CDH13: variants seen among roughly 807,000 people sequenced by gnomAD.
The protein encoded by CDH13 is cadherin 13.
CDH13 carries 24 observed loss-of-function variants against 63.8 expected under a neutral mutation model. That is an observed-to-expected ratio of 0.38 (90% CI 0.27 to 0.53). The LOEUF is 0.53. Among genes scored for constraint, CDH13 ranks in the 20% least tolerant of loss-of-function variants. CDH13 has a pLI of 0.85. For synonymous variants in CDH13, 503 were observed against 355.3 expected (o/e 1.42, Z -4.67); for missense variants, 1,049 against 903.1 (o/e 1.16, Z -2.07).
intron 11 of CDH13, among the ~76,000 whole-genome samples, chr16:83,752,979 A>G (rs1306890997): frequency 6.6e-6 from 1 of 152,228 alleles, no homozygotes; most frequent in Non-Finnish European, 1.5e-5. Flanking sequence ...AGACACGGAA[A>G]TTTAAAATCT....
At chr16:83,028,375 C>G (rs919651875) in intron 2 of CDH13, among the ~76,000 whole-genome samples, 6 of 152,168 alleles carry the variant, frequency 3.9e-5, no homozygotes, top group Admixed American at 3.3e-4. Flanking sequence ...CTTGTGTGTC[C>G]ATGCAAAGAT....
chr16:83,752,122 A>G (rs796438563), intron 11 of CDH13, among the ~76,000 whole-genome samples: 33 of 152,366 alleles, frequency 2.2e-4, no homozygotes, highest in African/African-American at 7.7e-4. Flanking sequence ...TAACAATGGC[A>G]GGGTTCTGTA....
intron 1 of CDH13, among the ~76,000 whole-genome samples, chr16:82,789,871 C>T (rs1412307959): frequency 6.6e-6 from 1 of 152,122 alleles, no homozygotes; most frequent in African/African-American, 2.4e-5. Context: ...CCTCACTGGA[C>T]AGGCATTGTG....
At chr16:83,058,813 G>A (rs547263181) in intron 3 of CDH13, among the ~76,000 whole-genome samples, 4 of 152,162 alleles carry the variant, frequency 2.6e-5, no homozygotes, top group South Asian at 2.1e-4. Flanking sequence ...GCTGACACAC[G>A]CTGACCTCAC....
rs528356908 is a variant in CDH13 at position 83,101,892 on chromosome 16, C to G, written c.367-23493C>G. Reference sequence around the variant, plus strand: ...AAAGTGAAAGAACTGCTGTGGAAGACAGAACCAAGGCCCCAGGATTGTTCA... The same window carrying G: ...AAAGTGAAAGAACTGCTGTGGAAGAGAGAACCAAGGCCCCAGGATTGTTCA... On this transcript the variant is annotated intron_variant, in intron 3 of 13. Transcript: ENST00000567109. Among the ~76,000 whole-genome samples the G allele has an allele frequency of 5.3e-5, 8 of 152,262 alleles. No individual in the cohort carries two copies. The South Asian group carries it at 8.3e-4, about 16-fold the overall frequency.
chr16:83,326,383 C>T (rs1402214009), intron 5 of CDH13, among the ~76,000 whole-genome samples: 1 of 150,576 alleles, frequency 6.6e-6, no homozygotes, highest in Admixed American at 6.6e-5. Flanking sequence ...GGAGAAACAT[C>T]ATTGTCCTAA....
chr16:82,932,015 T>C (rs1225876357), intron 2 of CDH13, among the ~76,000 whole-genome samples: 2 of 152,110 alleles, frequency 1.3e-5, no homozygotes, highest in Admixed American at 1.3e-4. Flanking sequence ...AGACCTCTGG[T>C]AAATTGTACG....
chr16:83,354,243 C>A (rs946628831), intron 6 of CDH13, among the ~76,000 whole-genome samples: 4 of 152,196 alleles, frequency 2.6e-5, no homozygotes, highest in Admixed American at 6.5e-5. Context: ...ACCAAAGGAT[C>A]CACTGTGAAT....
Position 83,561,783 on chromosome 16 carries a change from G to A in CDH13, c.961-40671G>A, listed in dbSNP as rs1302640646. Among the ~76,000 whole-genome samples the A allele has an allele frequency of 1.3e-5, 2 of 152,266 alleles. 1 individual carries two copies. The highest frequency in any genetic ancestry group is 4.8e-5 in the African/African-American group (2 of 41,540). On this transcript the variant is annotated intron_variant, in intron 7 of 13. Coordinates refer to ENST00000567109, the MANE Select transcript of CDH13 (RefSeq NM_001257.5). ...TAAATTGTGCCTGCTGATTGCTGTA[G>A]TGGTATCATCAACTACAACATTGTT...
intron 6 of CDH13, among the ~76,000 whole-genome samples, chr16:83,478,649 G>T (rs2073674883): frequency 6.6e-6 from 1 of 152,052 alleles, no homozygotes; most frequent in African/African-American, 2.4e-5. Context: ...CTTGCCTTAG[G>T]CCTAAGCCTG....
rs777552593 is a variant in CDH13 at position 82,904,509 on chromosome 16, G to A, written c.157+46036G>A. ...AAATTGAGACGGGGGAAAACTATTA[G>A]GTTGGGGCGAAAGTAATTTCTGTTT... On this transcript the variant is annotated intron_variant, in intron 2 of 13. Coordinates refer to ENST00000567109, the MANE Select transcript of CDH13 (RefSeq NM_001257.5). 3.9e-5 allele frequency among the ~76,000 whole-genome samples: 6 copies of A among 152,276 alleles called. No individual in the cohort carries two copies. The Middle Eastern group carries it at 0.01, about 259-fold the overall frequency.
At chr16:82,804,276 T>TACACACACACACACAC (rs140828245) in intron 1 of CDH13, among the ~76,000 whole-genome samples, 76 of 135,096 alleles carry the variant, frequency 5.6e-4, no homozygotes, top group African/African-American at 1.9e-3. Context: ...GGGATCTTGC[T>TACACACACACACACAC]ACACACACAC....
At chr16:83,046,711 C>G (rs141049448) in intron 3 of CDH13, among the ~76,000 whole-genome samples, 42 of 152,294 alleles carry the variant, frequency 2.8e-4, no homozygotes, top group Middle Eastern at 6.8e-3. Context: ...CAAAAAACTT[C>G]AGACTGTCTT....
intron 5 of CDH13, among the ~76,000 whole-genome samples, chr16:83,276,226 A>G (rs1332586218): frequency 1.3e-5 from 2 of 152,092 alleles, no homozygotes; most frequent in African/African-American, 4.8e-5. Context: ...TATTTCATTT[A>G]TCAAGCTGAT....
At chr16:83,135,273 C>T (rs776694287) in intron 4 of CDH13, among the ~76,000 whole-genome samples, 4 of 152,178 alleles carry the variant, frequency 2.6e-5, no homozygotes, top group Non-Finnish European at 5.9e-5. Flanking sequence ...AACGGCAATG[C>T]TGAGACCCAA....
At chr16:83,548,942 C>T (rs2075439087) in intron 7 of CDH13, among the ~76,000 whole-genome samples, 1 of 152,122 alleles carries the variant, frequency 6.6e-6, no homozygotes, top group Non-Finnish European at 1.5e-5. Flanking sequence ...TTTCTTTGCC[C>T]CCTTGTGTGT....
At chr16:83,607,854 T>A (rs1334893348) in intron 8 of CDH13, among the ~76,000 whole-genome samples, 2 of 152,240 alleles carry the variant, frequency 1.3e-5, no homozygotes, top group Non-Finnish European at 2.9e-5. Context: ...CTTTGAAATA[T>A]ACATGAAAAC....
At position 83,780,130 on chromosome 16, in the gene CDH13, C is replaced by T. The variant is rs778297983; in HGVS notation, c.1844C>T (p.Thr615Ile). The T allele has an allele frequency of 1.9e-6, 3 of 1,613,106 alleles. No homozygotes were observed. Among genetic ancestry groups the T allele is most frequent in the South Asian group, 2.2e-5 (2 of 90,846 alleles). ...TCAGATAAGGATCTTCACCCGAATA[C>T]AGATCCTTTCAAATTTGAAATCCAC... ...GASDKDLHPN[T>I]DPFKFEIHKQ... The change falls in exon 12 of 14, where the codon ACA (threonine) becomes ATA (isoleucine). Residue 615 changes from threonine to isoleucine, a missense_variant. Physicochemically the swap from Thr to Ile is moderately conservative, Grantham distance 89. Transcript: ENST00000567109.
At chr16:82,681,015 T>C (rs1029265826) in intron 1 of CDH13, among the ~76,000 whole-genome samples, 1 of 152,232 alleles carries the variant, frequency 6.6e-6, no homozygotes, top group African/African-American at 2.4e-5. Flanking sequence ...AAGGCCAGTG[T>C]CTCAGAGCAC....
Sources: gnomAD v4.1 joint callset for allele counts (sites outside exome capture counted in the v4.1 genomes callset) on GRCh38, gnomAD v4.1.1 for gene constraint, MANE v1.5 for transcripts, NCBI Gene and HGNC (gene_info 2026-07-23, HGNC 2026-07-21) for gene names.